The following DCDC2 variants were observed in gnomAD, a reference collection of about 807,000 sequenced individuals.
DCDC2 encodes the protein doublecortin domain-containing protein 2.
In DCDC2, 40 loss-of-function variants were observed where a neutral mutation model predicts 50.2. That is an observed-to-expected ratio of 0.80 (90% CI 0.62 to 1.04). The LOEUF is 1.04. Among genes scored for constraint, DCDC2 ranks in the 50% least tolerant of loss-of-function variants. The pLI, the probability that DCDC2 is intolerant of heterozygous loss-of-function variation, is 0.00. For synonymous variants in DCDC2, 234 were observed against 210.6 expected (o/e 1.11, Z -0.96); for missense variants, 570 against 581.9 (o/e 0.98, Z 0.21).
Position 24,182,178 on chromosome 6 carries a change from C to G in DCDC2, c.1024-3546G>C, listed in dbSNP as rs77136685. Among the ~76,000 whole-genome samples, 1,247 of 152,150 alleles carry G rather than the reference C, an allele frequency of 8.2e-3. 16 individuals are homozygous for G. Among genetic ancestry groups the G allele is most frequent in the African/African-American group, 0.029 (1,190 of 41,492 alleles). ...AAAATAGCTTCAAATGAATGAAAGA[C>G]CTAAATGTAAAACCTAAAACTATAT... On this transcript the variant is annotated intron_variant, in intron 8 of 9. Coordinates refer to ENST00000378454, the MANE Select transcript of DCDC2 (RefSeq NM_016356.5).
intron 2 of DCDC2, among the ~76,000 whole-genome samples, chr6:24,316,435 G>A (rs759276618): frequency 8.5e-5 from 13 of 152,116 alleles, no homozygotes; most frequent in Non-Finnish European, 1.9e-4. Flanking sequence ...GAAGCTAAGA[G>A]AGAAGGATCA....
intron 2 of DCDC2, among the ~76,000 whole-genome samples, chr6:24,303,156 G>C (rs1402783723): frequency 6.6e-6 from 1 of 151,740 alleles, no homozygotes; most frequent in Admixed American, 6.6e-5. Context: ...CCTTATGGCC[G>C]CTCTCAAGTA....
chr6:24,351,269 G>A (rs7775357), intron 2 of DCDC2, among the ~76,000 whole-genome samples: 64,829 of 152,014 alleles, frequency 0.43, 15,228 homozygotes, highest in African/African-American at 0.64. Flanking sequence ...ACTTTGGGGA[G>A]GAAGGTATCT....
chr6:24,244,494 T>C (rs753603143), intron 7 of DCDC2, among the ~76,000 whole-genome samples: 1 of 152,286 alleles, frequency 6.6e-6, no homozygotes, highest in East Asian at 1.9e-4. Context: ...TCTCCTTCAT[T>C]TGATCTGGCT....
At chr6:24,195,547 C>A (rs1761413338) in intron 8 of DCDC2, among the ~76,000 whole-genome samples, 1 of 152,096 alleles carries the variant, frequency 6.6e-6, no homozygotes, top group African/African-American at 2.4e-5. Flanking sequence ...GCCTTTGTCC[C>A]AGAACAGAGT....
At chr6:24,214,604 ATATATAGCTTTAATTCTTCAT>A (rs1338427834) in intron 7 of DCDC2, among the ~76,000 whole-genome samples, 4 of 152,246 alleles carry the variant, frequency 2.6e-5, no homozygotes, top group African/African-American at 9.6e-5. Flanking sequence ...CAACAAGTGT[ATATATAGCTTTAATTCTTCAT>A]TTCTAATTTT....
chr6:24,221,945 T>C (rs1435952590), intron 7 of DCDC2, among the ~76,000 whole-genome samples: 7 of 152,278 alleles, frequency 4.6e-5, no homozygotes, highest in South Asian at 2.1e-4. Context: ...TTAAGAGTCA[T>C]AGGGGAAAGC....
chr6:24,241,272 T>C (rs759145138), intron 7 of DCDC2, among the ~76,000 whole-genome samples: 11 of 152,222 alleles, frequency 7.2e-5, no homozygotes, highest in Non-Finnish European at 1.5e-4. Context: ...CTAGAAAGAA[T>C]GGTGAGTTTT....
At chr6:24,233,242 G>C (rs1301653414) in intron 7 of DCDC2, among the ~76,000 whole-genome samples, 1 of 152,142 alleles carries the variant, frequency 6.6e-6, no homozygotes, top group Non-Finnish European at 1.5e-5. Flanking sequence ...AAAATCAAAG[G>C]AGGCTCTGTT....
chr6:24,361,014 T>C (rs1244172388), upstream of DCDC2, among the ~76,000 whole-genome samples: 1 of 152,152 alleles, frequency 6.6e-6, no homozygotes, highest in Non-Finnish European at 1.5e-5. Context: ...ACAAGCTCCA[T>C]AACCAGTCAT....
chr6:24,199,550 T>C (rs1338984883), intron 8 of DCDC2, among the ~76,000 whole-genome samples: 1 of 152,118 alleles, frequency 6.6e-6, no homozygotes, highest in Non-Finnish European at 1.5e-5. Flanking sequence ...TCCACAAAGA[T>C]GACAATAAAC....
chr6:24,228,408 G>A (rs73394024), intron 7 of DCDC2, among the ~76,000 whole-genome samples: 5,346 of 152,300 alleles, frequency 0.035, 293 homozygotes, highest in African/African-American at 0.12. Context: ...TTGTCAAATG[G>A]CCTGGGTCGA....
chr6:24,239,162 A>G (rs1247377967), intron 7 of DCDC2, among the ~76,000 whole-genome samples: 2 of 152,198 alleles, frequency 1.3e-5, no homozygotes, highest in African/African-American at 4.8e-5. Flanking sequence ...CCAGTCAGGG[A>G]GGCAGATTTG....
chr6:24,357,402 T>C, intron 1 of DCDC2, 56 bp downstream of exon 1: 2 of 1,514,094 alleles, frequency 1.3e-6, no homozygotes, highest in Non-Finnish European at 1.8e-6. Flanking sequence ...TTTCTTCATA[T>C]CAACCCCACA....
chr6:24,222,451 T>C (rs1485380101), intron 7 of DCDC2, among the ~76,000 whole-genome samples: 4 of 152,238 alleles, frequency 2.6e-5, no homozygotes, highest in Non-Finnish European at 4.4e-5. Context: ...AGGGTTTAGC[T>C]GTTGGAATCC....
In DCDC2 at chr6:24,174,539, A is replaced by T. The variant is rs1282040479; in HGVS notation, c.*191T>A. The T allele has an allele frequency of 4.6e-6, 2 of 435,204 alleles. No homozygotes were observed. The highest frequency in any genetic ancestry group is 4.0e-5 in the African/African-American group (2 of 50,172). 27.0% of individuals were successfully genotyped at this position (435,204 alleles called of 1,614,324 possible). On this transcript the variant is annotated 3_prime_UTR_variant, in exon 10 of 10. Transcript: ENST00000378454. ...ATGACTTTTAAAACACATGCAATAA[A>T]AGTAAGTAATTATCCTTTAGTAGCC...
chr6:24,244,341 T>C (rs144807542), intron 7 of DCDC2, among the ~76,000 whole-genome samples: 2 of 152,212 alleles, frequency 1.3e-5, no homozygotes, highest in South Asian at 2.1e-4. Context: ...CAAAAAAGTA[T>C]GTGATTCATT....
In DCDC2 at chr6:24,309,352, G is replaced by A. The variant is rs945299751; in HGVS notation, c.349-7308C>T. On this transcript the variant is annotated intron_variant, in intron 2 of 9. Coordinates refer to ENST00000378454, the MANE Select transcript of DCDC2 (RefSeq NM_016356.5). ...AAAAAAAAAAAAAATTAGTCCTAAA[G>A]ACTAGTTTAAAACAAAAATAATAAT... Among the ~76,000 whole-genome samples, 6 of 151,476 alleles carry A rather than the reference G, an allele frequency of 4.0e-5. No homozygotes were observed. In the East Asian group the frequency reaches 5.8e-4, roughly 15 times the overall value.
chr6:24,357,879 G>A lies in DCDC2; in HGVS notation c.-129C>T, dbSNP rs1185856993. ...CGAACGAGAAACTGACGAATCCACA[G>A]GTGAAAGAGAAGTAACGGCCGTGCG... On this transcript the variant is annotated 5_prime_UTR_variant, in exon 1 of 10. Coordinates refer to ENST00000378454, the MANE Select transcript of DCDC2 (RefSeq NM_016356.5). 1 of 1,565,282 alleles carries A rather than the reference G, an allele frequency of 6.4e-7. No individual in the cohort carries two copies. The highest frequency in any genetic ancestry group is 8.7e-7 in the Non-Finnish European group (1 of 1,154,848).
Sources: gnomAD v4.1 joint callset for allele counts (sites outside exome capture counted in the v4.1 genomes callset) on GRCh38, gnomAD v4.1.1 for gene constraint, MANE v1.5 for transcripts, NCBI Gene and HGNC (gene_info 2026-07-23, HGNC 2026-07-21) for gene names.